The following TINAGL1 variants were observed in gnomAD, a reference collection of about 807,000 sequenced individuals.
The protein encoded by TINAGL1 is tubulointerstitial nephritis antigen like 1, also known as tubulointerstitial nephritis antigen-like.
Under a neutral mutation model 62.0 loss-of-function variants are expected in TINAGL1, and 34 were observed. That is an observed-to-expected ratio of 0.55 (90% CI 0.42 to 0.73). The LOEUF (loss-of-function observed/expected upper bound fraction) is 0.73. Among genes scored for constraint, TINAGL1 ranks in the 30% least tolerant of loss-of-function variants. TINAGL1 has a pLI of 0.00. For missense variants in TINAGL1, 516 were observed against 653.2 expected, an observed-to-expected ratio of 0.79 and a Z score of 2.29; for synonymous variants, 221 against 249.7, an observed-to-expected ratio of 0.88 and a Z score of 1.08.
Position 31,585,657 on chromosome 1 carries a change from G to T in TINAGL1, c.1094-96G>T. 1 of 1,547,352 alleles carries T rather than the reference G, an allele frequency of 6.5e-7. No individual in the cohort carries two copies. The highest frequency in any genetic ancestry group is 1.3e-5 in the South Asian group (1 of 79,600). On this transcript the variant is annotated intron_variant, in intron 9 of 11. Coordinates refer to ENST00000271064, the MANE Select transcript of TINAGL1 (RefSeq NM_022164.3). The surrounding 1 kb of genome is among the most constrained non-coding windows in gnomAD (Gnocchi z 4.3). ...GAGGGAGCACTTAGAGCTTTGGTAT[G>T]GAGGGACCCTGGTGCCTGGGCACAT...
chr1:31,577,507 C>T lies in TINAGL1; in HGVS notation c.310+49C>T, dbSNP rs779548036. On this transcript the variant is annotated intron_variant, in intron 2 of 11. Transcript: ENST00000271064. The surrounding 1 kb of genome is among the most constrained non-coding windows in gnomAD (Gnocchi z 5.4). ...GGTGGGTCACTTTGTCCACCTCAGA[C>T]TCAGCAAGGCTCAAGAGCAAAGCTG... 1 of 1,546,866 alleles carries T rather than the reference C, an allele frequency of 6.5e-7. No individual in the cohort carries two copies.
rs1639357420 is a variant in TINAGL1, at chr1:31,585,216, C to A, written c.923C>A (p.Pro308His). 1 of 1,612,896 alleles carries A rather than the reference C, an allele frequency of 6.2e-7. No homozygotes were observed. Among genetic ancestry groups the A allele is most frequent in the African/African-American group, 1.3e-5 (1 of 74,946 alleles). ...RERDEAGPAP[P>H]CMMHSRAMGR... ...CGAGACGAGGCTGGCCCTGCGCCCC[C>A]CTGTATGATGCACAGCCGAGCCATG... The change falls in exon 8 of 12, where the codon CCC (proline) becomes CAC (histidine). Residue 308 changes from proline to histidine, a missense_variant. By Grantham distance (77) the Pro-to-His change is moderately conservative. Coordinates refer to ENST00000271064, the MANE Select transcript of TINAGL1 (RefSeq NM_022164.3). This position sits in a 1 kb window ranked among gnomAD's most constrained non-coding sequence, Gnocchi z 4.3.
intron 3 of TINAGL1, among the ~76,000 whole-genome samples, 159 bp from the exon 4 acceptor site, chr1:31,582,990 C>T (rs1255615411): frequency 1.3e-5 from 2 of 152,116 alleles, no homozygotes; most frequent in East Asian, 1.9e-4. Flanking sequence ...ATGAACTAGA[C>T]GTTGACATTT....
Position 31,585,398 on chromosome 1 carries a change from TC to T in TINAGL1, c.1048-41del. 2 of 1,610,350 alleles carry T rather than the reference TC, an allele frequency of 1.2e-6. No homozygotes were observed. The highest frequency in any genetic ancestry group is 1.7e-6 in the Non-Finnish European group (2 of 1,178,190). ...AGGAGGGTTGTGAAAGCCTGGAGTCTCACCCCTGACGTATGCTCTCTGTCCA... is the reference window on the plus strand; with the variant it reads ...AGGAGGGTTGTGAAAGCCTGGAGTCTACCCCTGACGTATGCTCTCTGTCCA... On this transcript the variant is annotated intron_variant, in intron 8 of 11. Coordinates refer to ENST00000271064, the MANE Select transcript of TINAGL1 (RefSeq NM_022164.3). The surrounding 1 kb of genome is among the most constrained non-coding windows in gnomAD (Gnocchi z 4.3).
intron 3 of TINAGL1, among the ~76,000 whole-genome samples, chr1:31,581,398 G>T (rs1639241724): frequency 6.6e-6 from 1 of 152,102 alleles, no homozygotes. Context: ...GTGGAGGGGC[G>T]AGAGGTAGGT....
rs371006138 is a variant in TINAGL1, at chr1:31,580,213, G to GTC, written c.374+958_374+959dup. 5 of 559,750 alleles carry GTC rather than the reference G, an allele frequency of 8.9e-6. No homozygotes were observed. The African/African-American group carries it at 1.3e-4, about 14-fold the overall frequency. 34.7% of individuals were successfully genotyped at this position (559,750 alleles called of 1,614,324 possible). A position where few individuals can be genotyped will look rare whatever the true frequency, so the allele number is the denominator to read the frequency against. On this transcript the variant is annotated intron_variant, in intron 3 of 11. Transcript: ENST00000271064. ...TCTCTCTCTCTCTCTCTCTCTCTCT[G>GTC]TCTCTCTCTCTCTGTCTCTCTCTGT... is the stretch of plus-strand genomic sequence containing the variant.
chr1:31,579,641 C>T (rs1039998784), intron 3 of TINAGL1: 5 of 193,672 alleles, frequency 2.6e-5, no homozygotes, highest in South Asian at 2.1e-4. Context: ...CTGCCCTGAG[C>T]GGATGAGGGT....
intron 10 of TINAGL1, 173 bp from the exon 11 acceptor site, chr1:31,586,529 CACCGACTT>C (rs2148596665): frequency 1.4e-6 from 1 of 690,428 alleles, no homozygotes; most frequent in East Asian, 2.7e-5. Context: ...GGCCTGGGTG[CACCGACTT>C]ACAGATGTGA....
chr1:31,586,526 G>A, intron 10 of TINAGL1, 184 bp from the exon 11 acceptor site: 1 of 681,422 alleles, frequency 1.5e-6, no homozygotes, highest in East Asian at 2.7e-5. Flanking sequence ...CTGGGCCTGG[G>A]TGCACCGACT....
chr1:31,584,463 C>G lies in TINAGL1; in HGVS notation c.583-215C>G. 2 of 613,840 alleles carry G rather than the reference C, an allele frequency of 3.3e-6. No homozygotes were observed. Among genetic ancestry groups the G allele is most frequent in the South Asian group, 4.0e-5 (2 of 50,396 alleles). 38.0% of individuals were successfully genotyped at this position (613,840 alleles called of 1,614,324 possible). A position where few individuals can be genotyped will look rare whatever the true frequency, so the allele number is the denominator to read the frequency against. ...AGGACTAGTCACCACCGCCACCCCG[C>G]CCCGCCCCACCACCTGATACCTGGG... On this transcript the variant is annotated intron_variant, in intron 5 of 11. Transcript: ENST00000271064. This position sits in a 1 kb window ranked among gnomAD's most constrained non-coding sequence, Gnocchi z 4.0.
Position 31,578,720 on chromosome 1 carries a change from G to GGTGT in TINAGL1, c.311-468_311-465dup, listed in dbSNP as rs34119771. 1.4e-4 allele frequency among the ~76,000 whole-genome samples: 11 copies of GGTGT among 80,252 alleles called. 1 individual carries two copies. The East Asian group carries it at 2.9e-3, about 21-fold the overall frequency. 52.6% of individuals were successfully genotyped at this position (80,252 alleles called of 152,430 possible). On this transcript the variant is annotated intron_variant, in intron 2 of 11. Transcript: ENST00000271064. ...TTATAGCTTAATCTCAGTGAGAGCTGGTGTGTGTGTGTGTGTGTGATGTCT... is the reference window on the plus strand; with the variant it reads ...TTATAGCTTAATCTCAGTGAGAGCTGGTGTGTGTGTGTGTGTGTGTGTGATGTCT...
At position 31,585,717 on chromosome 1, in the gene TINAGL1, G is replaced by A. The variant is rs1278906982; in HGVS notation, c.1094-36G>A. ...CTCAGGCTCCAGTGCCTGTGCCAAC[G>A]GGCTGAGTGGACCCTACCTTGACAT... On this transcript the variant is annotated intron_variant, in intron 9 of 11. Transcript: ENST00000271064. This position sits in a 1 kb window ranked among gnomAD's most constrained non-coding sequence, Gnocchi z 4.3. 10 of 1,600,742 alleles carry A rather than the reference G, an allele frequency of 6.2e-6. No individual in the cohort carries two copies. In the East Asian group the frequency reaches 6.7e-5, roughly 11 times the overall value.
Position 31,583,080 on chromosome 1 carries a change from C to A in TINAGL1, c.375-69C>A. 2 of 1,432,874 alleles carry A rather than the reference C, an allele frequency of 1.4e-6. No homozygotes were observed. Among genetic ancestry groups the A allele is most frequent in the African/African-American group, 1.4e-5 (1 of 71,470 alleles). 88.8% of individuals were successfully genotyped at this position (1,432,874 alleles called of 1,614,324 possible). ...AGACTCCCTGGCCCATGTTAACCTC[C>A]GAGGCCACATTCCTTCAAAGTATCC... is the stretch of plus-strand genomic sequence containing the variant. On this transcript the variant is annotated intron_variant, in intron 3 of 11. Coordinates refer to ENST00000271064, the MANE Select transcript of TINAGL1 (RefSeq NM_022164.3). This position sits in a 1 kb window ranked among gnomAD's most constrained non-coding sequence, Gnocchi z 4.4.
intron 3 of TINAGL1, among the ~76,000 whole-genome samples, chr1:31,582,455 A>G (rs930950560): frequency 5.3e-5 from 8 of 152,306 alleles, no homozygotes; most frequent in Admixed American, 3.9e-4. Context: ...CAGAGCGTGC[A>G]GGGCCTTGTT....
In TINAGL1 at chr1:31,578,657, G is replaced by GGTGT. The variant is rs10577315; in HGVS notation, c.311-523_311-520dup. On this transcript the variant is annotated intron_variant, in intron 2 of 11. Transcript: ENST00000271064. ...TTATAGTTTAATTTCAGTGAGAGCT[G>GGTGT]GTGTGTGTGTGTGTGTGTGTGTGTG... Among the ~76,000 whole-genome samples the GGTGT allele has an allele frequency of 1.4e-3, 106 of 77,746 alleles. 5 individuals are homozygous for GGTGT. The highest frequency in any genetic ancestry group is 5.2e-3 in the African/African-American group (90 of 17,154). The allele number at this position is 77,746 out of a possible 152,430, so 51.0% of individuals were successfully genotyped here.
In TINAGL1 at chr1:31,577,205, T is replaced by C. The variant is rs368657722; in HGVS notation, c.57T>C (p.Ala19=). Residue 19 remains alanine, a synonymous_variant, in exon 2 of 12, where the codon GCT becomes GCC. Coordinates refer to ENST00000271064, the MANE Select transcript of TINAGL1 (RefSeq NM_022164.3). The surrounding 1 kb of genome is among the most constrained non-coding windows in gnomAD (Gnocchi z 5.4). ...TGCTGCCGCTGGCTGGCCACTTGGCTCTGGGTGCCCAGCAGGGTCGTGGGC... is the reference window on the plus strand; with the variant it reads ...TGCTGCCGCTGGCTGGCCACTTGGCCCTGGGTGCCCAGCAGGGTCGTGGGC... The part of the protein sequence containing the change: ...LLLLPLAGHL[A]LGAQQGRGRR... The C allele has an allele frequency of 6.3e-7, 1 of 1,595,408 alleles. No individual in the cohort carries two copies. Among genetic ancestry groups the C allele is most frequent in the Non-Finnish European group, 8.5e-7 (1 of 1,172,294 alleles).
chr1:31,579,278 G>A lies in TINAGL1; in HGVS notation c.374+11G>A, dbSNP rs749620533. 4 of 1,612,880 alleles carry A rather than the reference G, an allele frequency of 2.5e-6. No individual in the cohort carries two copies. In the Admixed American group the frequency reaches 6.7e-5, roughly 27 times the overall value. On this transcript the variant is annotated intron_variant, in intron 3 of 11. Coordinates refer to ENST00000271064, the MANE Select transcript of TINAGL1 (RefSeq NM_022164.3). ...CAACTGTAACCGTTGGTGAGTGTTT[G>A]GAGCTTAGAGGGGTCTTGCTTTGTG...
intron 3 of TINAGL1, chr1:31,579,802 G>A (rs1639163574): frequency 6.3e-6 from 1 of 159,374 alleles, no homozygotes; most frequent in Non-Finnish European, 1.4e-5. Flanking sequence ...ATGGGAAGTG[G>A]AGAAGGGCCA....
Position 31,579,290 on chromosome 1 carries a change from G to T in TINAGL1, c.374+23G>T, listed in dbSNP as rs759602799. 1.1e-5 allele frequency: 17 copies of T among 1,610,386 alleles called. 1 individual carries two copies. The South Asian group carries it at 1.5e-4, about 15-fold the overall frequency. ...TTGGTGAGTGTTTGGAGCTTAGAGG[G>T]GTCTTGCTTTGTGAGCCTGTGGCTG... is the stretch of plus-strand genomic sequence containing the variant. On this transcript the variant is annotated intron_variant, in intron 3 of 11. Transcript: ENST00000271064.
Sources: gnomAD v4.1 joint callset for allele counts (sites outside exome capture counted in the v4.1 genomes callset) on GRCh38, gnomAD v4.1.1 for gene constraint, Gnocchi (gnomAD v3.1) non-coding constraint, MANE v1.5 for transcripts, NCBI Gene and HGNC (gene_info 2026-07-23, HGNC 2026-07-21) for gene names.